Variants in MYL4 observed in about 807,000 individuals in gnomAD.
MYL4 encodes the protein atrial myosin light chain 1.
In MYL4, 16 loss-of-function variants were observed where a neutral mutation model predicts 21.6. The observed-to-expected ratio is 0.74, with a 90% confidence interval of 0.50 to 1.12. The LOEUF is 1.12. Ranked by LOEUF, MYL4 falls within the 50% of genes most tolerant of loss-of-function variation. The pLI is 0.00. For synonymous variants in MYL4, 82 were observed against 95.7 expected (o/e 0.86, Z 0.83); for missense variants, 249 against 252.9 (o/e 0.98, Z 0.11).
upstream of MYL4, among the ~76,000 whole-genome samples, chr17:47,205,859 C>G (rs973441957): frequency 6.6e-6 from 1 of 152,170 alleles, no homozygotes; most frequent in Non-Finnish European, 1.5e-5. Flanking sequence ...TCCTTTCCAC[C>G]TCTTCCTCAT....
chr17:47,207,865 C>A (rs1156397639), upstream of MYL4, among the ~76,000 whole-genome samples: 1 of 152,126 alleles, frequency 6.6e-6, no homozygotes, highest in Non-Finnish European at 1.5e-5. Context: ...ATCCTCCCAC[C>A]CTTACCCCCT....
At chr17:47,189,884 CAG>C in the MYL4 span, among the ~76,000 whole-genome samples, 5 of 152,002 alleles carry the variant, frequency 3.3e-5, no homozygotes, top group East Asian at 9.6e-4. Flanking sequence ...AGCAGTGTAA[CAG>C]AGAACGCTAT....
intron 2 of MYL4, among the ~76,000 whole-genome samples, chr17:47,215,331 G>A (rs993834113): frequency 6.6e-6 from 1 of 152,218 alleles, no homozygotes; most frequent in African/African-American, 2.4e-5. Flanking sequence ...GGAACAGATG[G>A]TTATCTCTTC....
At chr17:47,191,562 C>T in the MYL4 span, among the ~76,000 whole-genome samples, 1 of 152,124 alleles carries the variant, frequency 6.6e-6, no homozygotes, top group Non-Finnish European at 1.5e-5. Flanking sequence ...CCTCCGCCTC[C>T]GGGGTTCAAG....
chr17:47,192,770 T>C, the MYL4 span, among the ~76,000 whole-genome samples: 8 of 152,032 alleles, frequency 5.3e-5, no homozygotes, highest in African/African-American at 1.9e-4. Context: ...TATTTTGGAG[T>C]GTTTTTACTT....
intron 1 of MYL4, 169 bp downstream of exon 1, chr17:47,209,726 G>A (rs377242935): frequency 6.3e-6 from 6 of 955,598 alleles, no homozygotes; most frequent in East Asian, 2.4e-5. Flanking sequence ...GGGCTGATGA[G>A]GGGGAGATTG....
chr17:47,209,257 A>G (rs755866360), upstream of MYL4: 27 of 856,398 alleles, frequency 3.2e-5, no homozygotes, highest in Admixed American at 6.7e-5. Context: ...TCTTCCTTTT[A>G]TAGTCAGCAG....
At chr17:47,189,515 G>T in the MYL4 span, 636 of 397,892 alleles carry the variant, frequency 1.6e-3, 12 homozygotes, top group South Asian at 0.016. Context: ...CGCACACCAC[G>T]CCCAATCGGC....
chr17:47,207,723 C>CT (rs1598649547), upstream of MYL4, among the ~76,000 whole-genome samples: 1 of 152,190 alleles, frequency 6.6e-6, no homozygotes, highest in Non-Finnish European at 1.5e-5. Flanking sequence ...GATACATAAG[C>CT]TTTTTTGTTG....
chr17:47,207,621 C>A (rs1037144292), upstream of MYL4, among the ~76,000 whole-genome samples: 1 of 152,080 alleles, frequency 6.6e-6, no homozygotes, highest in Admixed American at 6.5e-5. Context: ...CCTAGAAAGG[C>A]GAAGTGATTT....
chr17:47,212,362 C>T (rs1426451542), intron 1 of MYL4, among the ~76,000 whole-genome samples: 1 of 152,240 alleles, frequency 6.6e-6, no homozygotes, highest in Non-Finnish European at 1.5e-5. Context: ...AAATGTTTTT[C>T]AGTGCCTACT....
chr17:47,220,842 T>C (rs2064850168), intron 3 of MYL4, among the ~76,000 whole-genome samples: 1 of 152,094 alleles, frequency 6.6e-6, no homozygotes, highest in Non-Finnish European at 1.5e-5. Context: ...TGGCACGGGG[T>C]TTGGGGTGGG....
At position 47,219,957 on chromosome 17, in the gene MYL4, A is replaced by T; in HGVS notation, c.217A>T (p.Ile73Phe). 6.2e-7 allele frequency: 1 copy of T among 1,614,192 alleles called. No individual in the cohort carries two copies. Among genetic ancestry groups the T allele is most frequent in the South Asian group, 1.1e-5 (1 of 91,086 alleles). The change falls in exon 3 of 7, where the codon ATC becomes TTC. Residue 73 changes from isoleucine to phenylalanine, a missense_variant. Coordinates refer to ENST00000393450, the MANE Select transcript of MYL4 (RefSeq NM_002476.2). The part of the protein sequence containing the change: ...FDRTPTGEMK[I>F]TYGQCGDVLR... ...CCGGACCCCGACTGGAGAGATGAAG[A>T]TCACCTACGGCCAGTGCGGGGATGT...
At chr17:47,200,452 T>C (rs934944282) in exon 1 of MYL4, 2 of 152,144 alleles carry the variant, frequency 1.3e-5, no homozygotes, top group African/African-American at 4.8e-5. Flanking sequence ...CCCATGGTTG[T>C]CTTAGCATCC....
At chr17:47,209,709 G>T (rs767717265) in intron 1 of MYL4, 152 bp downstream of exon 1, 46 of 1,160,318 alleles carry the variant, frequency 4.0e-5, no homozygotes, top group Non-Finnish European at 5.1e-5. Context: ...CAGTGGAGTG[G>T]GTGTTGGGGC....
rs1157222193 is a variant in MYL4, at chr17:47,220,063, G to A, written c.313+10G>A. ...AAGCCCAAGCCTGAAGGTCAGTGCG[G>A]CTGCATGGCAGACCTCTCCCAGGGT... On this transcript the variant is annotated intron_variant, in intron 3 of 6. Coordinates refer to ENST00000393450, the MANE Select transcript of MYL4 (RefSeq NM_002476.2). 1 of 1,605,302 alleles carries A rather than the reference G, an allele frequency of 6.2e-7. No homozygotes were observed. Among genetic ancestry groups the A allele is most frequent in the Non-Finnish European group, 8.5e-7 (1 of 1,175,048 alleles).
chr17:47,213,995 C>T, intron 2 of MYL4, 169 bp downstream of exon 2: 1 of 727,544 alleles, frequency 1.4e-6, no homozygotes, highest in East Asian at 2.6e-5. Flanking sequence ...GTCCTAGGCA[C>T]TTTATATGGA....
At chr17:47,203,559 T>C (rs2064716886) in intron 1 of MYL4, among the ~76,000 whole-genome samples, 1 of 152,220 alleles carries the variant, frequency 6.6e-6, no homozygotes, top group Non-Finnish European at 1.5e-5. Flanking sequence ...TTCTTTACAT[T>C]TTCTTGTCCT....
intron 5 of MYL4, 37 bp downstream of exon 5, chr17:47,222,494 G>T (rs767770340): frequency 6.2e-7 from 1 of 1,605,992 alleles, no homozygotes; most frequent in Non-Finnish European, 8.5e-7. Flanking sequence ...GGCAGCCAGG[G>T]ATGGTAGGAT....
Sources: allele counts gnomAD v4.1 joint callset (sites outside exome capture counted in the v4.1 genomes callset), GRCh38; gene constraint gnomAD v4.1.1; transcripts MANE v1.5; gene names NCBI Gene and HGNC (gene_info 2026-07-23, HGNC 2026-07-21).